The following ENOX2 variants were observed in gnomAD, a reference collection of about 807,000 sequenced individuals.
ENOX2 encodes the protein ecto-NOX disulfide-thiol exchanger 2, also known as APK1 antigen.
A neutral mutation model predicts 45.0 loss-of-function variants in ENOX2; 36 were observed. That is an observed-to-expected ratio of 0.80 (90% CI 0.61 to 1.06). The LOEUF is 1.06. Ranked by LOEUF, ENOX2 falls within the 50% of genes least tolerant of loss-of-function variation. The probability of loss-of-function intolerance (pLI) is 0.00; values close to 1 mark genes in which losing one functional copy is unlikely to be tolerated. For missense variants in ENOX2, 423 were observed against 462.5 expected (o/e 0.91, Z 0.78); for synonymous variants, 174 against 152.3 (o/e 1.14, Z -1.05).
At chrX:130,843,682 G>C (rs2078051580) in intron 2 of ENOX2, among the ~76,000 whole-genome samples, 1 of 111,476 alleles carries the variant, frequency 9.0e-6, no homozygotes, top group South Asian at 3.8e-4. Context: ...TTCAGTTCTA[G>C]CCTCAGGGAT....
intron 2 of ENOX2, among the ~76,000 whole-genome samples, chrX:130,814,522 T>C (rs922337092): frequency 2.7e-5 from 3 of 111,382 alleles, no homozygotes; most frequent in African/African-American, 9.8e-5. Flanking sequence ...TGGGTGACCC[T>C]CTGGGGTGAA....
chrX:130,687,562 C>A, intron 5 of ENOX2, among the ~76,000 whole-genome samples: 1 of 112,405 alleles, frequency 8.9e-6, no homozygotes, highest in East Asian at 2.8e-4. Flanking sequence ...AGGCACTAAA[C>A]ACAAATCCAG....
chrX:130,767,831 C>T (rs779301477), intron 3 of ENOX2, among the ~76,000 whole-genome samples: 50 of 112,156 alleles, frequency 4.5e-4, no homozygotes, highest in African/African-American at 1.3e-3. Flanking sequence ...AAAGTTACTA[C>T]TTACAGATAT....
intron 2 of ENOX2, among the ~76,000 whole-genome samples, chrX:130,850,126 GAAT>G (rs1174689794): frequency 1.8e-5 from 2 of 111,713 alleles, no homozygotes; most frequent in African/African-American, 6.5e-5. Context: ...CCAACATGTT[GAAT>G]ATCTAGAATC....
At chrX:130,856,641 C>T (rs896529627) in intron 2 of ENOX2, among the ~76,000 whole-genome samples, 3 of 110,508 alleles carry the variant, frequency 2.7e-5, no homozygotes, top group East Asian at 2.8e-4. Flanking sequence ...ATAATTTCAA[C>T]GTCTATATAT....
intron 3 of ENOX2, among the ~76,000 whole-genome samples, chrX:130,704,324 G>A (rs1569490077): frequency 1.8e-5 from 2 of 111,661 alleles, no homozygotes; most frequent in Non-Finnish European, 3.8e-5. Context: ...TGTCATGAGT[G>A]ATGAGCAGTT....
intron 3 of ENOX2, among the ~76,000 whole-genome samples, chrX:130,781,879 C>T (rs1350047315): frequency 9.0e-6 from 1 of 111,200 alleles, no homozygotes; most frequent in African/African-American, 3.3e-5. Flanking sequence ...TGACTGTAGG[C>T]AGCAGAAAGG....
chrX:130,895,114 G>T (rs897385221), intron 2 of ENOX2, among the ~76,000 whole-genome samples: 1 of 111,881 alleles, frequency 8.9e-6, no homozygotes, highest in African/African-American at 3.3e-5. Flanking sequence ...AGCTCCTTAA[G>T]GGCAGGGATT....
At chrX:130,795,059 A>C in intron 2 of ENOX2, among the ~76,000 whole-genome samples, 1 of 112,202 alleles carries the variant, frequency 8.9e-6, no homozygotes, top group East Asian at 2.8e-4. Context: ...TGCTTTCTGC[A>C]TTCCTAATCT....
chrX:130,879,591 G>A (rs1170109770), intron 2 of ENOX2, among the ~76,000 whole-genome samples: 2 of 111,547 alleles, frequency 1.8e-5, no homozygotes, highest in Non-Finnish European at 3.8e-5. Context: ...AGTGTTTCTG[G>A]AGACAGAGCT....
rs770825086 is a variant in ENOX2, at chrX:130,637,362, C to T, written c.1178G>A (p.Arg393His). 17 of 1,209,137 alleles carry T rather than the reference C, an allele frequency of 1.4e-5. No individual in the cohort carries two copies. Among genetic ancestry groups the T allele is most frequent in the Non-Finnish European group, 1.7e-5 (15 of 894,595 alleles). The change falls in exon 11 of 15, where the codon CGT becomes CAT. Residue 393 changes from arginine to histidine, a missense_variant. Around this residue, in one of 5 missense-constraint regions of ENOX2, gnomAD observed 13 missense variants for 29.8 expected, o/e 0.44. Transcript: ENST00000394363. ...EALKEENDSL[R>H]WQLDAYRNEV... Reference sequence around the variant, plus strand: ...ATTCCGGTAGGCATCGAGCTGCCAACGGAGGCTGTCATTTTCTTCCTTCAG... The same window carrying T: ...ATTCCGGTAGGCATCGAGCTGCCAATGGAGGCTGTCATTTTCTTCCTTCAG...
At chrX:130,748,057 G>T in intron 3 of ENOX2, among the ~76,000 whole-genome samples, 1 of 112,037 alleles carries the variant, frequency 8.9e-6, no homozygotes, top group Middle Eastern at 4.6e-3. Flanking sequence ...ACAACAAAGG[G>T]CACAGAAGGT....
chrX:130,783,628 T>C lies in ENOX2; in HGVS notation c.-120A>G. The C allele has an allele frequency of 6.1e-6, 2 of 330,116 alleles. No homozygotes were observed. Among genetic ancestry groups the C allele is most frequent in the South Asian group, 2.6e-5 (1 of 38,169 alleles). 27.2% of individuals were successfully genotyped at this position (330,116 alleles called of 1,213,427 possible). ...AGGCCTTCTGTGACCAGAGGGCCAC[T>C]GGCACTACCAAACTGCAGGGGCTCG... On this transcript the variant is annotated 5_prime_UTR_variant, in exon 3 of 15. Coordinates refer to ENST00000394363, the MANE Select transcript of ENOX2 (RefSeq NM_006375.4).
intron 10 of ENOX2, among the ~76,000 whole-genome samples, chrX:130,653,272 G>A (rs1310741557): frequency 8.9e-6 from 1 of 111,826 alleles, no homozygotes; most frequent in East Asian, 2.8e-4. Context: ...TCCTGTAAAA[G>A]TATCTGGTTA....
chrX:130,665,140 C>T (rs1242236443), intron 9 of ENOX2, among the ~76,000 whole-genome samples: 4 of 112,007 alleles, frequency 3.6e-5, no homozygotes, highest in African/African-American at 6.5e-5. Flanking sequence ...GTGTGCCAAC[C>T]TTAACCTAAG....
intron 8 of ENOX2, among the ~76,000 whole-genome samples, chrX:130,666,755 G>A (rs1319940253): frequency 8.9e-6 from 1 of 111,871 alleles, no homozygotes; most frequent in East Asian, 2.8e-4. Flanking sequence ...TCACAATTAT[G>A]TATGAGTCAA....
chrX:130,833,485 G>A (rs2077873499), intron 2 of ENOX2, among the ~76,000 whole-genome samples: 1 of 111,106 alleles, frequency 9.0e-6, no homozygotes, highest in African/African-American at 3.3e-5. Flanking sequence ...GTAACAAGGG[G>A]GGAAGAATTT....
At chrX:130,817,403 C>T (rs2077509202) in intron 2 of ENOX2, among the ~76,000 whole-genome samples, 1 of 111,998 alleles carries the variant, frequency 8.9e-6, no homozygotes, top group African/African-American at 3.3e-5. Context: ...AGGGACTCCT[C>T]CCTAACTCAT....
chrX:130,887,668 T>C (rs1415556133), intron 2 of ENOX2, among the ~76,000 whole-genome samples: 1 of 110,716 alleles, frequency 9.0e-6, no homozygotes, highest in East Asian at 2.8e-4. Context: ...GTGGAGGAGG[T>C]TGGAGAGCAG....
Sources: allele counts gnomAD v4.1 joint callset (sites outside exome capture counted in the v4.1 genomes callset), GRCh38; gene constraint gnomAD v4.1.1; regional missense constraint gnomAD v4.1.1; transcripts MANE v1.5; gene names NCBI Gene and HGNC (gene_info 2026-07-23, HGNC 2026-07-21).